The following NRXN1 variants were observed in gnomAD, a reference collection of about 807,000 sequenced individuals.
NRXN1 encodes neurexin 1, also known as neurexin-1.
Under a neutral mutation model 150.9 loss-of-function variants are expected in NRXN1, and 39 were observed. That is an observed-to-expected ratio of 0.26 (90% CI 0.20 to 0.34). The LOEUF is 0.34. NRXN1 is among the 10% of genes least tolerant of loss of function. NRXN1 has a pLI of 1.00. For synonymous variants in NRXN1, 924 were observed against 757.0 expected, an observed-to-expected ratio of 1.22 and a Z score of -3.62; for missense variants, 1,815 against 1,949.9, an observed-to-expected ratio of 0.93 and a Z score of 1.30.
intron 8 of NRXN1, among the ~76,000 whole-genome samples, chr2:50,603,668 A>C (rs530708016): frequency 1.3e-5 from 2 of 152,324 alleles, no homozygotes; most frequent in South Asian, 4.1e-4. Context: ...AAGAACTTTA[A>C]GAAATTTATA....
chr2:50,215,231 G>A (rs2063314099), intron 18 of NRXN1, among the ~76,000 whole-genome samples: 2 of 151,606 alleles, frequency 1.3e-5, no homozygotes, highest in African/African-American at 4.8e-5. Flanking sequence ...TGTCTTTCTT[G>A]TATTGCATTA....
rs776973604 is a variant in NRXN1 at position 50,620,160 on chromosome 2, A to G, written c.1182T>C (p.Ile394=). The stretch of plus-strand genomic sequence containing the variant: ...CTTGCGTGTAGCCCGTTGTGGTAAG[A>G]ATCCCATCCACTGATATTGTCACCT... ...HAMVTISVDG[I]LTTTGYTQED... The change falls in exon 8 of 23, where the codon ATT becomes ATC. Residue 394 remains isoleucine (I), a synonymous_variant. Transcript: ENST00000401669. 1.2e-6 allele frequency: 2 copies of G among 1,613,352 alleles called. No homozygotes were observed. The highest frequency in any genetic ancestry group is 2.7e-5 in the African/African-American group (2 of 74,898).
intron 19 of NRXN1, among the ~76,000 whole-genome samples, chr2:50,058,239 A>T (rs1693949512): frequency 2.6e-5 from 4 of 152,150 alleles, no homozygotes; most frequent in Non-Finnish European, 5.9e-5. Flanking sequence ...CCAATGATTA[A>T]CAGAGGTCAC....
At chr2:50,552,497 T>G in intron 9 of NRXN1, 90 bp downstream of exon 9, 2 of 948,686 alleles carry the variant, frequency 2.1e-6, no homozygotes, top group Non-Finnish European at 3.3e-6. Context: ...GCAGGAAGTC[T>G]TTAATATGTC....
intron 17 of NRXN1, among the ~76,000 whole-genome samples, chr2:50,439,007 G>A (rs1423194863): frequency 1.3e-5 from 2 of 152,182 alleles, no homozygotes; most frequent in East Asian, 1.9e-4. Context: ...GGAGGGATAT[G>A]CCTTTACATA....
At chr2:50,359,459 C>G (rs930670783) in intron 17 of NRXN1, among the ~76,000 whole-genome samples, 1 of 151,378 alleles carries the variant, frequency 6.6e-6, no homozygotes, top group Non-Finnish European at 1.5e-5. Flanking sequence ...CTTCGTGAAG[C>G]ACACACAAGT....
rs200792504 is a variant in NRXN1 at position 51,027,705 on chromosome 2, T to C, written c.569A>G (p.Asn190Ser). The change falls in exon 2 of 23, where the codon AAC becomes AGC. Residue 190 changes from asparagine to serine, a missense_variant. Asn to Ser is a conservative substitution (Grantham distance 46, BLOSUM62 1). Coordinates refer to ENST00000401669, the MANE Select transcript of NRXN1 (RefSeq NM_001330078.2). The part of the protein sequence containing the change: ...FKGWIRDVRV[N>S]SSQVLPVDSG... ...GTCCACGGGCAGGACCTGCGAGGAGTTGACCCTCACGTCACGAATCCACCC... is the reference window on the plus strand; with the variant it reads ...GTCCACGGGCAGGACCTGCGAGGAGCTGACCCTCACGTCACGAATCCACCC... The C allele has an allele frequency of 1.1e-3, 1,830 of 1,607,488 alleles. 1 individual carries two copies. The highest frequency in any genetic ancestry group is 1.5e-3 in the Non-Finnish European group (1,715 of 1,176,742).
intron 5 of NRXN1, among the ~76,000 whole-genome samples, chr2:50,694,149 G>A (rs997908819): frequency 2.0e-5 from 3 of 152,238 alleles, no homozygotes; most frequent in Non-Finnish European, 4.4e-5. Context: ...AGCAAGTGAT[G>A]TTTAATGGCA....
chr2:50,411,684 G>C (rs1453138172), intron 17 of NRXN1, among the ~76,000 whole-genome samples: 1 of 121,356 alleles, frequency 8.2e-6, no homozygotes, highest in East Asian at 3.5e-4. Context: ...CAGCCGCCCT[G>C]TCTGGGAGGT....
intron 17 of NRXN1, among the ~76,000 whole-genome samples, chr2:50,276,485 T>C (rs1029772050): frequency 2.0e-5 from 3 of 152,150 alleles, no homozygotes; most frequent in Admixed American, 2.0e-4. Flanking sequence ...ATTAGATATT[T>C]AAAATGCAGC....
intron 21 of NRXN1, among the ~76,000 whole-genome samples, chr2:50,051,420 T>C (rs1429269444): frequency 6.6e-6 from 1 of 152,054 alleles, no homozygotes; most frequent in Non-Finnish European, 1.5e-5. Context: ...ATTATATTCA[T>C]AAAAGCATTC....
rs547198610 is a variant in NRXN1 at position 50,621,789 on chromosome 2, G to T, written c.1135-540C>A. Among the ~76,000 whole-genome samples, 13 of 152,222 alleles carry T rather than the reference G, an allele frequency of 8.5e-5. No individual in the cohort carries two copies. In the South Asian group the frequency reaches 2.7e-3, roughly 32 times the overall value. On this transcript the variant is annotated intron_variant, in intron 6 of 22. Transcript: ENST00000401669. ...AAAACTTCCTTCGGTCATATTGATGGACTTTAGGGTCACAGTTTACTGCAA... is the reference window on the plus strand; with the variant it reads ...AAAACTTCCTTCGGTCATATTGATGTACTTTAGGGTCACAGTTTACTGCAA...
chr2:50,449,379 T>A (rs1043973266), intron 17 of NRXN1, among the ~76,000 whole-genome samples: 2 of 152,248 alleles, frequency 1.3e-5, no homozygotes, highest in Admixed American at 1.3e-4. Context: ...CAAATATCAC[T>A]TTCTAAGAGA....
At chr2:50,861,065 A>G (rs1045125953) in intron 5 of NRXN1, among the ~76,000 whole-genome samples, 1 of 152,014 alleles carries the variant, frequency 6.6e-6, no homozygotes, top group Non-Finnish European at 1.5e-5. Context: ...TTAGGCTGAA[A>G]GGTTGGTTGG....
rs544171210 is a variant in NRXN1, at chr2:50,624,348, G to C, written c.833-733C>G. On this transcript the variant is annotated intron_variant, in intron 5 of 22. Transcript: ENST00000401669. ...GAAAGTAGTTCTGTGATATCTCCAG[G>C]GCATGAATCAGGTACCATAAATGCA... Among the ~76,000 whole-genome samples the C allele has an allele frequency of 1.2e-4, 18 of 152,080 alleles. No homozygotes were observed. The South Asian group carries it at 3.7e-3, about 32-fold the overall frequency.
chr2:50,595,012 A>AC (rs1330909460), intron 8 of NRXN1, among the ~76,000 whole-genome samples: 2 of 151,876 alleles, frequency 1.3e-5, no homozygotes, highest in African/African-American at 4.8e-5. Context: ...AAAAAAAAAA[A>AC]AACAAGCAAA....
chr2:50,998,482 A>G (rs1270978560), intron 2 of NRXN1, among the ~76,000 whole-genome samples: 1 of 152,066 alleles, frequency 6.6e-6, no homozygotes, highest in Non-Finnish European at 1.5e-5. Flanking sequence ...TATTGTTTTA[A>G]TATTTCAAAG....
chr2:50,889,119 G>A (rs1447951635), intron 5 of NRXN1, among the ~76,000 whole-genome samples: 3 of 151,484 alleles, frequency 2.0e-5, no homozygotes, highest in Admixed American at 6.6e-5. Flanking sequence ...AAAAAGATTC[G>A]GTTTTGAAAC....
At chr2:50,065,140 A>G (rs1695171899) in intron 19 of NRXN1, among the ~76,000 whole-genome samples, 1 of 152,174 alleles carries the variant, frequency 6.6e-6, no homozygotes, top group Admixed American at 6.5e-5. Context: ...ATAAGAAAAT[A>G]ATGTATTGAG....
Sources: gnomAD v4.1 joint callset for allele counts (sites outside exome capture counted in the v4.1 genomes callset) on GRCh38, gnomAD v4.1.1 for gene constraint, MANE v1.5 for transcripts, NCBI Gene and HGNC (gene_info 2026-07-23, HGNC 2026-07-21) for gene names.